RAI1: variants seen among roughly 807,000 people sequenced by gnomAD.
The protein encoded by RAI1 is retinoic acid induced 1.
RAI1 carries 9 observed loss-of-function variants against 123.8 expected under a neutral mutation model. The observed-to-expected ratio is 0.07, with a 90% CI of 0.04 to 0.13. The LOEUF (loss-of-function observed/expected upper bound fraction) is 0.13, where lower values mean the gene tolerates loss of function less well. RAI1 is among the 10% of genes least tolerant of loss of function. RAI1 has a pLI of 1.00. For missense variants in RAI1, 2,256 were observed against 2,545.8 expected, an observed-to-expected ratio of 0.89 and a Z score of 2.45; for synonymous variants, 1,231 against 1,127.3, an observed-to-expected ratio of 1.09 and a Z score of -1.84.
intron 2 of RAI1, among the ~76,000 whole-genome samples, chr17:17,783,840 C>G (rs1332183965): frequency 2.0e-5 from 3 of 152,136 alleles, no homozygotes; most frequent in African/African-American, 7.2e-5. Flanking sequence ...GAGCCGGCCC[C>G]GCTTCGTTTC....
At chr17:17,752,117 G>C (rs1456938233) in intron 2 of RAI1, among the ~76,000 whole-genome samples, 1 of 152,212 alleles carries the variant, frequency 6.6e-6, no homozygotes, top group Non-Finnish European at 1.5e-5. Context: ...CCAGGGTCTT[G>C]CAGCCCTGTG....
At chr17:17,708,060 A>G (rs1480347040) in intron 1 of RAI1, among the ~76,000 whole-genome samples, 1 of 152,108 alleles carries the variant, frequency 6.6e-6, no homozygotes, top group Non-Finnish European at 1.5e-5. Context: ...AGCCACATCG[A>G]CCAAGCTGAC....
intron 2 of RAI1, chr17:17,765,945 G>T (rs1157873937): frequency 6.6e-6 from 1 of 152,268 alleles, no homozygotes; most frequent in Non-Finnish European, 1.5e-5. Context: ...CTTGGGAGCT[G>T]CCCCTGGAGC....
intron 1 of RAI1, among the ~76,000 whole-genome samples, chr17:17,686,278 G>C (rs1025537968): frequency 6.7e-6 from 1 of 148,758 alleles, no homozygotes; most frequent in Non-Finnish European, 1.5e-5. Context: ...TGTGGATCTT[G>C]TGCTGTCAGC....
chr17:17,696,807 T>C (rs1171973783), intron 1 of RAI1, among the ~76,000 whole-genome samples: 1 of 152,234 alleles, frequency 6.6e-6, no homozygotes, highest in Non-Finnish European at 1.5e-5. Context: ...CTGGCCCAGA[T>C]ATGCCAGGTT....
At chr17:17,689,105 A>G (rs1028825946) in intron 1 of RAI1, among the ~76,000 whole-genome samples, 1 of 151,572 alleles carries the variant, frequency 6.6e-6, no homozygotes, top group Non-Finnish European at 1.5e-5. Flanking sequence ...ACAGGTACGC[A>G]CTACCATGTC....
Position 17,714,254 on chromosome 17 carries a change from C to T in RAI1, c.-148-9774C>T, listed in dbSNP as rs2142910932. Among the ~76,000 whole-genome samples the T allele has an allele frequency of 6.6e-6, 1 of 152,168 alleles. No homozygotes were observed. The highest frequency in any genetic ancestry group is 1.9e-4 in the East Asian group (1 of 5,178). ...AAGGGGGCTCCCAGGCCTCTCCCTG[C>T]CTACCTTGGCCACTGGGAGGTTCTG... On this transcript the variant is annotated intron_variant, in intron 1 of 5. Coordinates refer to ENST00000353383, the MANE Select transcript of RAI1 (RefSeq NM_030665.4). This position sits in a 1 kb window ranked among gnomAD's most constrained non-coding sequence, Gnocchi z 4.9.
intron 1 of RAI1, among the ~76,000 whole-genome samples, chr17:17,703,697 G>C (rs1915305383): frequency 6.6e-6 from 1 of 152,216 alleles, no homozygotes; most frequent in Non-Finnish European, 1.5e-5. Context: ...CTGGAGTGCA[G>C]TGGTATGATC....
chr17:17,770,203 C>T (rs937747054), intron 2 of RAI1, among the ~76,000 whole-genome samples: 3 of 151,578 alleles, frequency 2.0e-5, no homozygotes, highest in African/African-American at 7.3e-5. Context: ...TGTCTACCTG[C>T]GGGGTAGGGA....
chr17:17,746,478 G>C (rs977978680), intron 2 of RAI1, among the ~76,000 whole-genome samples: 1 of 152,116 alleles, frequency 6.6e-6, no homozygotes. Context: ...AGCTACCACC[G>C]TTCTCTGTCC....
intron 2 of RAI1, among the ~76,000 whole-genome samples, chr17:17,791,489 C>T (rs2032011829): frequency 6.6e-6 from 1 of 152,158 alleles, no homozygotes; most frequent in South Asian, 2.1e-4. Flanking sequence ...CTCTTTGTCC[C>T]TTCCTGACCC....
intron 2 of RAI1, among the ~76,000 whole-genome samples, chr17:17,764,566 G>A (rs979902071): frequency 8.0e-5 from 12 of 149,188 alleles, no homozygotes; most frequent in African/African-American, 2.5e-4. Flanking sequence ...TCCGTCTCCC[G>A]AGTTCAAGCA....
At chr17:17,756,928 G>A (rs2030460707) in intron 2 of RAI1, among the ~76,000 whole-genome samples, 1 of 152,228 alleles carries the variant, frequency 6.6e-6, no homozygotes, top group Non-Finnish European at 1.5e-5. Context: ...TGTTGCCATT[G>A]TTATTAACCG....
At chr17:17,700,386 C>A (rs1219937594) in intron 1 of RAI1, among the ~76,000 whole-genome samples, 1 of 151,740 alleles carries the variant, frequency 6.6e-6, no homozygotes, top group South Asian at 2.1e-4. Context: ...GGCGCGGCTC[C>A]CGGCTCGGGG....
Position 17,795,281 on chromosome 17 carries a change from G to C in RAI1, c.2333G>C (p.Gly778Ala). 1 of 1,613,598 alleles carries C rather than the reference G, an allele frequency of 6.2e-7. No individual in the cohort carries two copies. Among genetic ancestry groups the C allele is most frequent in the Non-Finnish European group, 8.5e-7 (1 of 1,179,694 alleles). The change falls in exon 3 of 6, where the codon GGC (glycine) becomes GCC (alanine). Residue 778 changes from glycine (G) to alanine (A), a missense_variant. Physicochemically the swap from Gly to Ala is moderately conservative, Grantham distance 60. Coordinates refer to ENST00000353383, the MANE Select transcript of RAI1 (RefSeq NM_030665.4). This position sits in a 1 kb window ranked among gnomAD's most constrained non-coding sequence, Gnocchi z 5.9. The part of the protein sequence containing the change: ...GLEQGGKASD[G>A]ISKGDTHEAS... ...GAGCAGGGTGGGAAGGCCTCAGATG[G>C]CATCAGCAAAGGGGACACCCATGAG... is the stretch of plus-strand genomic sequence containing the variant.
intron 2 of RAI1, among the ~76,000 whole-genome samples, chr17:17,733,277 T>A (rs1445521431): frequency 6.6e-6 from 1 of 152,176 alleles, no homozygotes; most frequent in East Asian, 1.9e-4. Flanking sequence ...GGTCTTAGTG[T>A]TTTCTGAGAA....
rs572291411 is a variant in RAI1, at chr17:17,796,658, G to A, written c.3710G>A (p.Arg1237Gln). Reference protein sequence around the residue: ...AFMAPVPTKKRNLVLRSRSSS... With the variant: ...AFMAPVPTKKQNLVLRSRSSS... The stretch of plus-strand genomic sequence containing the variant: ...ATGGCGCCGGTCCCCACCAAGAAGC[G>A]GAACCTGGTCTTGCGGAGCCGCAGC... The change falls in exon 3 of 6, where the codon CGG becomes CAG. Residue 1237 changes from arginine to glutamine, a missense_variant. This residue lies in a region of RAI1 where 322 missense variants were observed against 358.0 expected (regional missense o/e 0.90). Coordinates refer to ENST00000353383, the MANE Select transcript of RAI1 (RefSeq NM_030665.4). The surrounding 1 kb of genome is among the most constrained non-coding windows in gnomAD (Gnocchi z 5.8). 49 of 1,612,298 alleles carry A rather than the reference G, an allele frequency of 3.0e-5. No homozygotes were observed. The highest frequency in any genetic ancestry group is 4.0e-5 in the African/African-American group (3 of 74,994).
At position 17,684,016 on chromosome 17, in the gene RAI1, G is replaced by A. The variant is rs538186146; in HGVS notation, c.-149+2223G>A. 2.0e-5 allele frequency: 3 copies of A among 152,338 alleles called. No homozygotes were observed. In the East Asian group the frequency reaches 5.8e-4, roughly 29 times the overall value. The allele number at this position is 152,338 out of a possible 1,614,324, so 9.4% of individuals were successfully genotyped here. On this transcript the variant is annotated intron_variant, in intron 1 of 5. Transcript: ENST00000353383. ...AGTCTCCTGAGTAGCTGGGATCACA[G>A]GCGCCCGACACCACACGTAGCTAAT...
chr17:17,709,871 G>A (rs967141983), intron 1 of RAI1, among the ~76,000 whole-genome samples: 1 of 152,240 alleles, frequency 6.6e-6, no homozygotes, highest in African/African-American at 2.4e-5. Flanking sequence ...GGAGGAGGCA[G>A]TTCCAAGAGC....
Sources: allele counts gnomAD v4.1 joint callset (sites outside exome capture counted in the v4.1 genomes callset), GRCh38; gene constraint gnomAD v4.1.1; regional missense constraint gnomAD v4.1.1; non-coding constraint Gnocchi (gnomAD v3.1); transcripts MANE v1.5; gene names NCBI Gene and HGNC (gene_info 2026-07-23, HGNC 2026-07-21).